Variants in DLGAP2 observed in about 807,000 individuals in gnomAD.
The protein encoded by DLGAP2 is disks large-associated protein 2.
In DLGAP2, 26 loss-of-function variants were observed where a neutral mutation model predicts 100.3. The ratio of observed to expected loss-of-function variants is 0.26; its 90% CI spans 0.19 to 0.36. DLGAP2 has a LOEUF of 0.36. Among genes scored for constraint, DLGAP2 ranks in the 10% least tolerant of loss-of-function variants. The pLI is 1.00. For missense variants in DLGAP2, 1,858 were observed against 1,453.2 expected (o/e 1.28, Z -4.53); for synonymous variants, 886 against 630.1 (o/e 1.41, Z -6.08).
intron 2 of DLGAP2, among the ~76,000 whole-genome samples, chr8:929,720 C>G (rs1798913409): frequency 7.2e-6 from 1 of 139,642 alleles, no homozygotes; most frequent in African/African-American, 2.7e-5. Flanking sequence ...GGTACTCAAG[C>G]AGTGTTTGCC....
chr8:1,618,630 G>A (rs181384117), intron 6 of DLGAP2, among the ~76,000 whole-genome samples: 26 of 152,334 alleles, frequency 1.7e-4, no homozygotes, highest in Admixed American at 5.9e-4. Context: ...GAGGACTCAC[G>A]CTATCTGATT....
chr8:780,782 C>G (rs993962576), intron 1 of DLGAP2, among the ~76,000 whole-genome samples: 3 of 152,218 alleles, frequency 2.0e-5, no homozygotes, highest in African/African-American at 7.2e-5. Context: ...CTGTTCCTGC[C>G]GCCTCACCAA....
chr8:1,518,848 A>G (rs1277316805), intron 4 of DLGAP2, among the ~76,000 whole-genome samples: 2 of 152,238 alleles, frequency 1.3e-5, no homozygotes, highest in African/African-American at 4.8e-5. Flanking sequence ...TGTGCACATC[A>G]GCATTCAGTG....
At chr8:1,604,010 C>A (rs1796715566) in intron 6 of DLGAP2, among the ~76,000 whole-genome samples, 1 of 152,158 alleles carries the variant, frequency 6.6e-6, no homozygotes, top group Non-Finnish European at 1.5e-5. Context: ...TCAAGTCAAG[C>A]CAGCTGCGGC....
intron 3 of DLGAP2, among the ~76,000 whole-genome samples, chr8:1,329,112 C>G (rs913877580): frequency 6.6e-6 from 1 of 152,228 alleles, no homozygotes; most frequent in African/African-American, 2.4e-5. Flanking sequence ...GAAGAAAAGT[C>G]TTCAGAAGGT....
At chr8:1,238,217 A>G (rs774008258) in intron 2 of DLGAP2, among the ~76,000 whole-genome samples, 905 of 34,972 alleles carry the variant, frequency 0.026, 111 homozygotes, top group African/African-American at 0.11. Context: ...CTCACATGGC[A>G]CCGTGTCTAG....
intron 1 of DLGAP2, among the ~76,000 whole-genome samples, chr8:790,187 A>G (rs188534197): frequency 6.6e-6 from 1 of 152,202 alleles, no homozygotes; most frequent in East Asian, 1.9e-4. Flanking sequence ...AATGAGGAGG[A>G]TTTTGACAGG....
chr8:755,001 G>T (rs1385452606), intron 1 of DLGAP2, among the ~76,000 whole-genome samples: 7 of 152,222 alleles, frequency 4.6e-5, no homozygotes, highest in African/African-American at 1.7e-4. Flanking sequence ...TCTTCTAGAA[G>T]AGGCTTTTGG....
intron 2 of DLGAP2, among the ~76,000 whole-genome samples, chr8:1,235,582 G>T (rs1405529962): frequency 7.7e-6 from 1 of 129,718 alleles, no homozygotes; most frequent in African/African-American, 3.5e-5. Context: ...ATGGCACCAT[G>T]TCTAGTTCTC....
chr8:828,491 C>G (rs1005015518), intron 1 of DLGAP2, among the ~76,000 whole-genome samples: 18 of 152,230 alleles, frequency 1.2e-4, no homozygotes, highest in African/African-American at 4.3e-4. Context: ...AAGGTTATCT[C>G]TCTTATTCCC....
chr8:1,299,865 AC>A (rs1800288768), intron 3 of DLGAP2: 1 of 152,020 alleles, frequency 6.6e-6, no homozygotes, highest in African/African-American at 2.4e-5. Flanking sequence ...ATCTGCTGGA[AC>A]TCCCACAACA....
At chr8:1,153,213 A>G (rs1299740974) in intron 2 of DLGAP2, among the ~76,000 whole-genome samples, 1 of 151,994 alleles carries the variant, frequency 6.6e-6, no homozygotes, top group African/African-American at 2.4e-5. Context: ...TTGGTTCCTC[A>G]TGGTCTGGCC....
intron 4 of DLGAP2, among the ~76,000 whole-genome samples, chr8:1,540,724 C>T (rs903945451): frequency 3.9e-5 from 6 of 152,334 alleles, no homozygotes; most frequent in Admixed American, 3.9e-4. Flanking sequence ...GCGTGGGCGG[C>T]CGTGACCAGC....
intron 2 of DLGAP2, among the ~76,000 whole-genome samples, chr8:1,104,058 G>A (rs1055355959): frequency 2.0e-5 from 3 of 152,196 alleles, no homozygotes; most frequent in Admixed American, 6.5e-5. Flanking sequence ...CGGCCGGCTC[G>A]TCTTCACGCA....
chr8:1,198,539 A>C (rs1203699354), intron 2 of DLGAP2, among the ~76,000 whole-genome samples: 3 of 152,014 alleles, frequency 2.0e-5, no homozygotes, highest in East Asian at 1.9e-4. Context: ...GGCTGCGAGG[A>C]GGGCACTCAT....
intron 2 of DLGAP2, among the ~76,000 whole-genome samples, chr8:1,193,603 A>G (rs1797685200): frequency 6.6e-6 from 1 of 152,004 alleles, no homozygotes; most frequent in African/African-American, 2.4e-5. Flanking sequence ...ACACCACCCC[A>G]TTATCTGTGT....
chr8:1,550,725 T>C (rs150236514), intron 5 of DLGAP2, among the ~76,000 whole-genome samples: 68 of 152,356 alleles, frequency 4.5e-4, no homozygotes, highest in African/African-American at 1.4e-3. Context: ...CCCTGTTTTA[T>C]GTGATTTCAC....
At chr8:800,387 T>C (rs1157553757) in intron 1 of DLGAP2, among the ~76,000 whole-genome samples, 1 of 152,250 alleles carries the variant, frequency 6.6e-6, no homozygotes, top group Non-Finnish European at 1.5e-5. Flanking sequence ...AGATGTGGGC[T>C]GTTTGCACAA....
intron 1 of DLGAP2, among the ~76,000 whole-genome samples, chr8:743,560 G>A (rs1003674990): frequency 2.1e-4 from 32 of 152,114 alleles, no homozygotes; most frequent in African/African-American, 7.7e-4. Flanking sequence ...ACCTCTTCTT[G>A]GTATTTATTT....
Sources: gnomAD v4.1 joint callset for allele counts (sites outside exome capture counted in the v4.1 genomes callset) on GRCh38, gnomAD v4.1.1 for gene constraint, MANE v1.5 for transcripts, NCBI Gene and HGNC (gene_info 2026-07-23, HGNC 2026-07-21) for gene names.